The following SLIT2 variants were observed in gnomAD, a reference collection of about 807,000 sequenced individuals.
SLIT2 encodes the protein slit homolog 2 protein.
In SLIT2, 41 loss-of-function variants were observed where a neutral mutation model predicts 185.7. The observed-to-expected ratio is 0.22, with a 90% CI of 0.17 to 0.29. The LOEUF (loss-of-function observed/expected upper bound fraction) is 0.29. Among genes scored for constraint, SLIT2 ranks in the 10% least tolerant of loss-of-function variants. The pLI is 1.00. For missense variants in SLIT2, 1,571 were observed against 1,909.0 expected (o/e 0.82, Z 3.30); for synonymous variants, 693 against 680.2 (o/e 1.02, Z -0.29).
intron 4 of SLIT2, among the ~76,000 whole-genome samples, chr4:20,397,630 C>T (rs1726008807): frequency 6.6e-6 from 1 of 151,794 alleles, no homozygotes; most frequent in Admixed American, 6.6e-5. Context: ...GGTGTATATA[C>T]CTGTTTTATA....
intron 4 of SLIT2, among the ~76,000 whole-genome samples, chr4:20,308,952 T>C (rs1288680068): frequency 1.3e-5 from 2 of 152,152 alleles, no homozygotes; most frequent in African/African-American, 4.8e-5. Context: ...TCATTCTTCA[T>C]TGAGTCTTAT....
intron 18 of SLIT2, among the ~76,000 whole-genome samples, chr4:20,539,029 G>T (rs556737966): frequency 6.8e-4 from 104 of 152,196 alleles, no homozygotes; most frequent in African/African-American, 2.5e-3. Context: ...AGTGGCTATT[G>T]ATTCTTTTCT....
intron 4 of SLIT2, among the ~76,000 whole-genome samples, chr4:20,431,869 C>A (rs184840008): frequency 6.6e-6 from 1 of 152,296 alleles, no homozygotes; most frequent in Admixed American, 6.5e-5. Context: ...GCATGTTCTA[C>A]TGTGAGTAGG....
chr4:20,430,191 C>T (rs145606379), intron 4 of SLIT2, among the ~76,000 whole-genome samples: 53 of 152,012 alleles, frequency 3.5e-4, no homozygotes, highest in African/African-American at 1.3e-3. Flanking sequence ...TCACATGTTC[C>T]GTGTTGTCAT....
intron 18 of SLIT2, among the ~76,000 whole-genome samples, chr4:20,534,675 T>C (rs11931405): frequency 0.29 from 44,575 of 151,898 alleles, 6,795 homozygotes; most frequent in Middle Eastern, 0.43. Flanking sequence ...TCTGTCTCCC[T>C]CAAACCCACG....
chr4:20,567,548 T>A lies in SLIT2; in HGVS notation c.2881T>A (p.Cys961Ser). ...GGACTGTGATGTCCCAATTCATGCC[T>A]GCATCAGTAACCCATGTAAACATGG... ...GQDCDVPIHA[C>S]ISNPCKHGGT... Residue 961 changes from cysteine (C) to serine (S), a missense_variant, in exon 28 of 37, where the codon TGC (cysteine) becomes AGC (serine). Around this residue, in one of 3 missense-constraint regions of SLIT2, gnomAD observed 1,202 missense variants for 1,416.4 expected, o/e 0.85. Coordinates refer to ENST00000504154, the MANE Select transcript of SLIT2 (RefSeq NM_004787.4). 6.2e-7 allele frequency: 1 copy of A among 1,613,378 alleles called. No homozygotes were observed. Among genetic ancestry groups the A allele is most frequent in the South Asian group, 1.1e-5 (1 of 91,056 alleles).
chr4:20,540,219 C>T (rs1433907608), intron 19 of SLIT2, among the ~76,000 whole-genome samples: 4 of 150,620 alleles, frequency 2.7e-5, no homozygotes, highest in Admixed American at 6.6e-5. Flanking sequence ...ACTGGGGAGG[C>T]GGAGGTGGCA....
chr4:20,584,377 A>C (rs1726870770), intron 29 of SLIT2, among the ~76,000 whole-genome samples: 1 of 152,196 alleles, frequency 6.6e-6, no homozygotes, highest in South Asian at 2.1e-4. Context: ...AGTATTATCA[A>C]CTCTGATGAT....
chr4:20,311,878 C>A (rs1361344809), intron 4 of SLIT2, among the ~76,000 whole-genome samples: 2 of 152,108 alleles, frequency 1.3e-5, no homozygotes, highest in Non-Finnish European at 1.5e-5. Flanking sequence ...AATATCAGTT[C>A]TATTTCCGTG....
At chr4:20,343,864 T>C (rs1721167423) in intron 4 of SLIT2, among the ~76,000 whole-genome samples, 1 of 151,840 alleles carries the variant, frequency 6.6e-6, no homozygotes, top group Admixed American at 6.6e-5. Context: ...TTAGTATTAT[T>C]TTTTTGAGAT....
At chr4:20,280,825 A>C (rs961928674) in intron 4 of SLIT2, among the ~76,000 whole-genome samples, 1 of 146,910 alleles carries the variant, frequency 6.8e-6, no homozygotes, top group African/African-American at 2.6e-5. Context: ...GGCTTATATT[A>C]AAAAAATGTT....
intron 4 of SLIT2, among the ~76,000 whole-genome samples, chr4:20,440,023 A>G (rs1380795291): frequency 2.0e-5 from 3 of 152,316 alleles, no homozygotes; most frequent in East Asian, 3.9e-4. Context: ...TGAAATAGTT[A>G]CACCATTTAA....
At chr4:20,569,288 G>A (rs909635820) in intron 29 of SLIT2, 1 of 356,500 alleles carries the variant, frequency 2.8e-6, no homozygotes, top group Non-Finnish European at 5.3e-6. Context: ...CAATTAAATG[G>A]CATTTTTGTG....
chr4:20,306,998 C>A (rs987877320), intron 4 of SLIT2, among the ~76,000 whole-genome samples: 13 of 152,114 alleles, frequency 8.5e-5, no homozygotes, highest in African/African-American at 2.9e-4. Flanking sequence ...CTGATATACA[C>A]AGCATCTACT....
At chr4:20,337,541 A>T (rs777876689) in intron 4 of SLIT2, among the ~76,000 whole-genome samples, 2 of 152,208 alleles carry the variant, frequency 1.3e-5, no homozygotes, top group Non-Finnish European at 2.9e-5. Context: ...CAGCCAAACC[A>T]TATCAAATAG....
chr4:20,568,954 G>A lies in SLIT2; in HGVS notation c.3038G>A (p.Cys1013Tyr). 1 of 1,612,452 alleles carries A rather than the reference G, an allele frequency of 6.2e-7. No individual in the cohort carries two copies. Among genetic ancestry groups the A allele is most frequent in the Non-Finnish European group, 8.5e-7 (1 of 1,178,786 alleles). Reference protein sequence around the residue: ...EDNDCENNSTCVDGINNYTCL... With the variant: ...EDNDCENNSTYVDGINNYTCL... Reference sequence around the variant, plus strand: ...AATGACTGTGAAAATAATTCTACATGTGTCGATGGCATTAATAACTACACA... The same window carrying A: ...AATGACTGTGAAAATAATTCTACATATGTCGATGGCATTAATAACTACACA... The change falls in exon 29 of 37, where the codon TGT becomes TAT. Residue 1013 changes from cysteine to tyrosine, a missense_variant. Physicochemically the swap from Cys to Tyr is radical, Grantham distance 194. Around this residue, in one of 3 missense-constraint regions of SLIT2, gnomAD observed 1,202 missense variants for 1,416.4 expected, o/e 0.85. Coordinates refer to ENST00000504154, the MANE Select transcript of SLIT2 (RefSeq NM_004787.4).
chr4:20,259,244 G>A (rs1162739778), intron 3 of SLIT2, among the ~76,000 whole-genome samples: 1 of 151,626 alleles, frequency 6.6e-6, no homozygotes, highest in Non-Finnish European at 1.5e-5. Context: ...AAAATACTCT[G>A]AAAGTATTTA....
intron 4 of SLIT2, among the ~76,000 whole-genome samples, chr4:20,390,976 A>G (rs770653697): frequency 6.6e-5 from 10 of 152,166 alleles, no homozygotes; most frequent in Non-Finnish European, 1.0e-4. Flanking sequence ...ATAATCTTAC[A>G]TAATTTTTTC....
chr4:20,409,723 G>T (rs1172910414), intron 4 of SLIT2, among the ~76,000 whole-genome samples: 7 of 151,954 alleles, frequency 4.6e-5, no homozygotes, highest in African/African-American at 1.2e-4. Flanking sequence ...CCACAACCTC[G>T]CCAGCACCTG....
Sources: allele counts gnomAD v4.1 joint callset (sites outside exome capture counted in the v4.1 genomes callset), GRCh38; gene constraint gnomAD v4.1.1; regional missense constraint gnomAD v4.1.1; transcripts MANE v1.5; gene names NCBI Gene and HGNC (gene_info 2026-07-23, HGNC 2026-07-21).